The following FER1L6 variants were observed in gnomAD, a reference collection of about 807,000 sequenced individuals.
FER1L6 encodes the protein fer-1 like family member 6, also known as fer-1-like protein 6.
In FER1L6, 177 loss-of-function variants were observed where a neutral mutation model predicts 219.2. That is an observed-to-expected ratio of 0.81 (90% CI 0.71 to 0.91). The LOEUF is 0.91. FER1L6 is among the 40% of genes least tolerant of loss of function. The probability of loss-of-function intolerance (pLI) is 0.00; values close to 1 mark genes in which losing one functional copy is unlikely to be tolerated. For synonymous variants in FER1L6, 768 were observed against 824.3 expected (o/e 0.93, Z 1.17); for missense variants, 2,153 against 2,259.9 (o/e 0.95, Z 0.96).
At position 124,067,804 on chromosome 8, in the gene FER1L6, C is replaced by A; in HGVS notation, c.3716C>A (p.Thr1239Lys). The change falls in exon 28 of 41, where the codon ACA (threonine) becomes AAA (lysine). Residue 1239 changes from threonine (T) to lysine (K), a missense_variant and splice_region_variant. Transcript: ENST00000522917. ...AATCCCAAGGGAAAAAAAGGCAATA[C>A]AGGTAAGCAGTTATTCTGGGGACAT... ...ERNPKGKKGN[T>K]EAKPDEVVVD... 6.2e-7 allele frequency: 1 copy of A among 1,612,178 alleles called. No individual in the cohort carries two copies. The highest frequency in any genetic ancestry group is 1.1e-5 in the South Asian group (1 of 91,012).
chr8:124,069,725 T>C (rs1820987032), intron 29 of FER1L6, among the ~76,000 whole-genome samples: 1 of 152,228 alleles, frequency 6.6e-6, no homozygotes, highest in Non-Finnish European at 1.5e-5. Context: ...TACAAAGTAA[T>C]CTACAGCATT....
chr8:123,932,452 C>T (rs1203968546), intron 1 of FER1L6, among the ~76,000 whole-genome samples: 3 of 152,096 alleles, frequency 2.0e-5, no homozygotes, highest in Non-Finnish European at 4.4e-5. Flanking sequence ...GCATGTGTTA[C>T]TCATTTTCTG....
At chr8:123,999,256 C>T (rs1335861166) in intron 12 of FER1L6, among the ~76,000 whole-genome samples, 1 of 152,236 alleles carries the variant, frequency 6.6e-6, no homozygotes, top group Non-Finnish European at 1.5e-5. Context: ...ATTCAAGGCC[C>T]AAAGGCTCTT....
In FER1L6 at chr8:123,985,723, A is replaced by C. The variant is rs146991181; in HGVS notation, c.1411-345A>C. 781 of 188,724 alleles carry C rather than the reference A, an allele frequency of 4.1e-3. 9 individuals are homozygous for C. The highest frequency in any genetic ancestry group is 0.017 in the African/African-American group (729 of 42,384). The allele number at this position is 188,724 out of a possible 1,614,324, so 11.7% of individuals were successfully genotyped here. ...TTGTCTTTGATTTTCTGTTTTCTGA[A>C]ACCCCAATCTCCAGAAGGTAATTCC... On this transcript the variant is annotated intron_variant, in intron 11 of 40. Transcript: ENST00000522917.
intron 20 of FER1L6, among the ~76,000 whole-genome samples, chr8:124,041,891 C>A (rs2130738453): frequency 6.6e-6 from 1 of 152,334 alleles, no homozygotes; most frequent in Middle Eastern, 3.4e-3. Context: ...TCTAAACAAA[C>A]CTCTGTTTGT....
intron 16 of FER1L6, among the ~76,000 whole-genome samples, chr8:124,019,918 C>G (rs1256807928): frequency 6.6e-6 from 1 of 152,150 alleles, no homozygotes; most frequent in Admixed American, 6.6e-5. Flanking sequence ...AAGAAACCAG[C>G]CATGTAGAGT....
intron 9 of FER1L6, among the ~76,000 whole-genome samples, chr8:123,977,142 A>C (rs574210812): frequency 2.6e-5 from 4 of 152,206 alleles, no homozygotes; most frequent in Non-Finnish European, 5.9e-5. Context: ...CATCCACTGT[A>C]TTTCTGGAGT....
At chr8:124,001,154 A>G (rs1208481462) in intron 12 of FER1L6, among the ~76,000 whole-genome samples, 1 of 152,246 alleles carries the variant, frequency 6.6e-6, no homozygotes, top group African/African-American at 2.4e-5. Context: ...TGGGATCCAC[A>G]GGGAGGTAGT....
At chr8:123,906,153 C>A (rs1238027482) in intron 1 of FER1L6, among the ~76,000 whole-genome samples, 3 of 152,206 alleles carry the variant, frequency 2.0e-5, no homozygotes, top group Non-Finnish European at 4.4e-5. Flanking sequence ...CTTGGCCCAA[C>A]TGTAGGAATG....
chr8:124,112,163 CA>C (rs1417868417), intron 39 of FER1L6, among the ~76,000 whole-genome samples: 2 of 152,158 alleles, frequency 1.3e-5, no homozygotes, highest in African/African-American at 4.8e-5. Flanking sequence ...TCTCTAATTC[CA>C]ACTCCGTGTG....
chr8:123,859,802 G>T (rs1816712793), intron 1 of FER1L6, among the ~76,000 whole-genome samples: 1 of 139,226 alleles, frequency 7.2e-6, no homozygotes, highest in East Asian at 2.1e-4. Flanking sequence ...AATATGCGGT[G>T]TTTGGTTTTT....
chr8:124,091,695 A>C (rs1011360761), intron 34 of FER1L6, 112 bp downstream of exon 34: 12 of 1,151,042 alleles, frequency 1.0e-5, no homozygotes, highest in Admixed American at 2.0e-5. Flanking sequence ...GGCCAGGCAC[A>C]GTGGCTCACG....
intron 21 of FER1L6, chr8:124,046,706 G>A (rs1396593631): frequency 1.3e-5 from 2 of 152,210 alleles, no homozygotes; most frequent in African/African-American, 4.8e-5. Context: ...AAGGTCAGGA[G>A]GGAGTCAAGA....
At chr8:123,982,147 A>T (rs1266070341) in intron 11 of FER1L6, among the ~76,000 whole-genome samples, 1 of 152,178 alleles carries the variant, frequency 6.6e-6, no homozygotes, top group Admixed American at 6.5e-5. Context: ...TTTCTTGAGA[A>T]TACATGCCAA....
chr8:124,049,032 AC>A (rs1310790712), intron 21 of FER1L6, among the ~76,000 whole-genome samples: 3 of 147,060 alleles, frequency 2.0e-5, no homozygotes, highest in Admixed American at 6.8e-5. Context: ...TAGGATGAGC[AC>A]CCCCACCACC....
chr8:123,910,245 A>G (rs1813027910), intron 1 of FER1L6, among the ~76,000 whole-genome samples: 1 of 152,242 alleles, frequency 6.6e-6, no homozygotes, highest in African/African-American at 2.4e-5. Context: ...TAATGATGAT[A>G]ATCAGCTGAG....
At chr8:123,930,451 C>A (rs1187809272) in intron 1 of FER1L6, among the ~76,000 whole-genome samples, 1 of 151,990 alleles carries the variant, frequency 6.6e-6, no homozygotes, top group Non-Finnish European at 1.5e-5. Context: ...TACACATAAA[C>A]ACATGCGTAG....
In FER1L6 at chr8:123,966,180, G is replaced by T. The variant is rs753647867; in HGVS notation, c.274G>T (p.Ala92Ser). 6 of 1,614,072 alleles carry T rather than the reference G, an allele frequency of 3.7e-6. No individual in the cohort carries two copies. Among genetic ancestry groups the T allele is most frequent in the Admixed American group, 1.7e-5 (1 of 60,010 alleles). ...NYQIAITITE[A>S]RQLVGENIDP... The stretch of plus-strand genomic sequence containing the variant: ...GCAGATTGCCATAACCATCACCGAG[G>T]CTCGCCAGCTGGTGGGTGAGAACAT... The change falls in exon 5 of 41, where the codon GCT becomes TCT. Residue 92 changes from alanine to serine, a missense_variant. Physicochemically the swap from Ala to Ser is moderately conservative, Grantham distance 99. Transcript: ENST00000522917.
intron 1 of FER1L6, among the ~76,000 whole-genome samples, chr8:123,877,015 C>T (rs1817015469): frequency 6.6e-6 from 1 of 152,238 alleles, no homozygotes; most frequent in South Asian, 2.1e-4. Context: ...GCACTCAGAG[C>T]TTCATAACTG....
Sources: gnomAD v4.1 joint callset for allele counts (sites outside exome capture counted in the v4.1 genomes callset) on GRCh38, gnomAD v4.1.1 for gene constraint, MANE v1.5 for transcripts, NCBI Gene and HGNC (gene_info 2026-07-23, HGNC 2026-07-21) for gene names.